Variants in SERINC5 observed in about 807,000 individuals in gnomAD.
The protein encoded by SERINC5 is chromosome 5 open reading frame 12.
A neutral mutation model predicts 63.1 loss-of-function variants in SERINC5; 41 were observed. That is an observed-to-expected ratio of 0.65 (90% confidence interval 0.51 to 0.84). The LOEUF is 0.84. SERINC5 is among the 40% of genes least tolerant of loss of function. The probability of loss-of-function intolerance (pLI) is 0.00; values close to 1 mark genes in which losing one functional copy is unlikely to be tolerated. For missense variants in SERINC5, 523 were observed against 573.0 expected (o/e 0.91, Z 0.89); for synonymous variants, 222 against 215.2 (o/e 1.03, Z -0.28).
chr5:80,227,185 T>G (rs983780461), intron 1 of SERINC5, among the ~76,000 whole-genome samples: 8 of 152,200 alleles, frequency 5.3e-5, no homozygotes, highest in African/African-American at 1.9e-4. Flanking sequence ...CATGAGCCAC[T>G]GCGCCTGGCC....
intron 1 of SERINC5, among the ~76,000 whole-genome samples, chr5:80,251,888 C>G (rs1259033197): frequency 2.3e-5 from 1 of 43,860 alleles, no homozygotes; most frequent in Non-Finnish European, 5.3e-5. Context: ...ACTTTTCAGG[C>G]AAGAAGCCTA....
chr5:80,198,663 G>C, intron 2 of SERINC5: 1 of 985,394 alleles, frequency 1.0e-6, no homozygotes, highest in Non-Finnish European at 1.2e-6. Context: ...CCCAGTGTGC[G>C]TCCCTACAAG....
chr5:80,145,747 C>T (rs1043790675), intron 11 of SERINC5, among the ~76,000 whole-genome samples: 2 of 152,086 alleles, frequency 1.3e-5, no homozygotes, highest in African/African-American at 2.4e-5. Flanking sequence ...ACTCAGAACT[C>T]GCTTGTAATC....
intron 1 of SERINC5, among the ~76,000 whole-genome samples, chr5:80,240,919 C>G (rs1283359381): frequency 6.6e-6 from 1 of 152,180 alleles, no homozygotes; most frequent in Admixed American, 6.5e-5. Flanking sequence ...GTGATCCGCC[C>G]ACCTCAGTCC....
At chr5:80,123,394 T>G (rs1206009553) in intron 11 of SERINC5, among the ~76,000 whole-genome samples, 1 of 152,216 alleles carries the variant, frequency 6.6e-6, no homozygotes, top group African/African-American at 2.4e-5. Flanking sequence ...AGCGCTGGGA[T>G]TACAGGCGTG....
At chr5:80,137,079 G>A (rs914118949), downstream of SERINC5, among the ~76,000 whole-genome samples, 1 of 145,136 alleles carries the variant, frequency 6.9e-6, no homozygotes, top group African/African-American at 2.5e-5. Flanking sequence ...GACAGAGGTT[G>A]CAGTGAGCTG....
At chr5:80,136,380 G>A (rs1745176833), downstream of SERINC5, among the ~76,000 whole-genome samples, 3 of 152,204 alleles carry the variant, frequency 2.0e-5, no homozygotes, top group Non-Finnish European at 2.9e-5. Flanking sequence ...GCTTTCAGAG[G>A]AAGAAGACAA....
chr5:80,143,370 T>G lies in SERINC5; in HGVS notation c.*293A>C. On this transcript the variant is annotated 3_prime_UTR_variant, in exon 12 of 12. Transcript: ENST00000507668. ...AAAGATGCTGTGCCCCAAATTCTGT[T>G]TTGGCAAAAACATGCAGAAGGAAGT... The G allele has an allele frequency of 9.0e-7, 1 of 1,111,810 alleles. No individual in the cohort carries two copies. Among genetic ancestry groups the G allele is most frequent in the Non-Finnish European group, 1.1e-6 (1 of 911,592 alleles). 68.9% of individuals were successfully genotyped at this position (1,111,810 alleles called of 1,614,324 possible).
intron 1 of SERINC5, among the ~76,000 whole-genome samples, chr5:80,250,095 T>A (rs996906269): frequency 2.0e-5 from 3 of 152,196 alleles, no homozygotes; most frequent in African/African-American, 7.2e-5. Context: ...GGGGTTCAGC[T>A]AGGTCACAAT....
At position 80,205,975 on chromosome 5, in the gene SERINC5, CAAA is replaced by C. The variant is rs368524252; in HGVS notation, c.28-2925_28-2923del. Among the ~76,000 whole-genome samples, 383 of 74,300 alleles carry C rather than the reference CAAA, an allele frequency of 5.2e-3. 4 individuals carry two copies. Among genetic ancestry groups the C allele is most frequent in the African/African-American group, 0.017 (350 of 20,436 alleles). 48.7% of individuals were successfully genotyped at this position (74,300 alleles called of 152,430 possible). The stretch of plus-strand genomic sequence containing the variant: ...AATATTAGCCGGGTGTGGTGGTGCA[CAAA>C]AAAAAAAAAAAAAAAAACCTCAAGA... On this transcript the variant is annotated intron_variant, in intron 1 of 11. Coordinates refer to ENST00000507668, the MANE Select transcript of SERINC5 (RefSeq NM_001174072.3).
chr5:80,183,535 C>G (rs1748593197), intron 2 of SERINC5, among the ~76,000 whole-genome samples: 1 of 152,088 alleles, frequency 6.6e-6, no homozygotes, highest in Non-Finnish European at 1.5e-5. Flanking sequence ...GCCCAGATGG[C>G]CTGAAGTAAC....
intron 7 of SERINC5, among the ~76,000 whole-genome samples, chr5:80,164,121 TC>T (rs1317186550): frequency 6.6e-6 from 1 of 152,182 alleles, no homozygotes; most frequent in East Asian, 1.9e-4. Flanking sequence ...CTCTAGCTTT[TC>T]TAGTTTGTAA....
rs1745358602 is a variant in SERINC5 at position 80,139,194 on chromosome 5, C to A, written c.*4469G>T. 6.1e-6 allele frequency: 6 copies of A among 980,926 alleles called. No individual in the cohort carries two copies. The highest frequency in any genetic ancestry group is 7.3e-6 in the Non-Finnish European group (6 of 825,906). 60.8% of individuals were successfully genotyped at this position (980,926 alleles called of 1,614,324 possible). On this transcript the variant is annotated 3_prime_UTR_variant, in exon 12 of 12. Coordinates refer to ENST00000507668, the MANE Select transcript of SERINC5 (RefSeq NM_001174072.3). ...GTTTCAGAAAAGTTTAAAAAATTAG[C>A]AAAGTTATATCTATAAAACTTTTGT...
Position 80,202,974 on chromosome 5 carries a change from C to T in SERINC5, c.107G>A (p.Arg36His), listed in dbSNP as rs761968805. 1.9e-6 allele frequency: 3 copies of T among 1,613,370 alleles called. No individual in the cohort carries two copies. The highest frequency in any genetic ancestry group is 1.1e-5 in the South Asian group (1 of 91,008). Residue 36 changes from arginine (R) to histidine (H), a missense_variant, in exon 2 of 12, where the codon CGC becomes CAC. Transcript: ENST00000507668. ...AATGAAGTAGAGGGCGTACATGAAGCGGGTGCTGAGGGACTGCCGAATCCT... is the reference window on the plus strand; with the variant it reads ...AATGAAGTAGAGGGCGTACATGAAGTGGGTGCTGAGGGACTGCCGAATCCT... ...CPRIRQSLST[R>H]FMYALYFILV... is the part of the protein sequence containing the mutation.
chr5:80,178,931 A>C (rs1366975878), intron 2 of SERINC5, among the ~76,000 whole-genome samples: 1 of 152,210 alleles, frequency 6.6e-6, no homozygotes, highest in Non-Finnish European at 1.5e-5. Context: ...CATACTATGC[A>C]TATAATAAAT....
chr5:80,237,900 C>T (rs1270001547), intron 1 of SERINC5, among the ~76,000 whole-genome samples: 2 of 151,762 alleles, frequency 1.3e-5, no homozygotes, highest in African/African-American at 2.4e-5. Context: ...GTCAAGAGAT[C>T]GAGACCATCC....
chr5:80,129,237 G>A (rs1744852086), intron 11 of SERINC5: 1 of 152,236 alleles, frequency 6.6e-6, no homozygotes, highest in Non-Finnish European at 1.5e-5. Flanking sequence ...GGGTCCATGT[G>A]CACACGAGTA....
intron 10 of SERINC5, among the ~76,000 whole-genome samples, 163 bp downstream of exon 10, chr5:80,147,082 C>T (rs1375574312): frequency 6.6e-6 from 1 of 152,180 alleles, no homozygotes; most frequent in African/African-American, 2.4e-5. Context: ...CTCAGCTATC[C>T]TTCAGGAAGA....
chr5:80,207,248 C>T (rs764309750), intron 1 of SERINC5, among the ~76,000 whole-genome samples: 3 of 152,164 alleles, frequency 2.0e-5, no homozygotes, highest in African/African-American at 4.8e-5. Context: ...TCCGCCGTCT[C>T]GGCCTCCCAT....
Sources: gnomAD v4.1 joint callset for allele counts (sites outside exome capture counted in the v4.1 genomes callset) on GRCh38, gnomAD v4.1.1 for gene constraint, MANE v1.5 for transcripts, NCBI Gene and HGNC (gene_info 2026-07-23, HGNC 2026-07-21) for gene names.